The following LINGO1 variants were observed in gnomAD, a reference collection of about 807,000 sequenced individuals.
The protein encoded by LINGO1 is leucine-rich repeat and immunoglobulin-like domain-containing nogo receptor-interacting protein 1.
In LINGO1, 11 loss-of-function variants were observed where a neutral mutation model predicts 37.3. That is an observed-to-expected ratio of 0.29 (90% CI 0.19 to 0.49). The LOEUF (loss-of-function observed/expected upper bound fraction) is 0.49, where lower values mean the gene tolerates loss of function less well. LINGO1 is among the 20% of genes least tolerant of loss of function. The probability of loss-of-function intolerance (pLI) is 0.99; values close to 1 mark genes in which losing one functional copy is unlikely to be tolerated. For missense variants in LINGO1, 585 were observed against 878.2 expected (o/e 0.67, Z 4.22); for synonymous variants, 387 against 403.0 (o/e 0.96, Z 0.48).
At chr15:77,708,886 C>A (rs575265369) in intron 2 of LINGO1, among the ~76,000 whole-genome samples, 1 of 152,160 alleles carries the variant, frequency 6.6e-6, no homozygotes, top group African/African-American at 2.4e-5. Context: ...TGCACTCCAC[C>A]CTGGGTGACA....
At chr15:77,728,370 C>T (rs534618373) in intron 2 of LINGO1, among the ~76,000 whole-genome samples, 20 of 152,382 alleles carry the variant, frequency 1.3e-4, no homozygotes, top group African/African-American at 3.8e-4. Context: ...CACCCTGTTC[C>T]GGCCAGGCCA....
upstream of LINGO1, chr15:77,634,374 T>C (rs1484471695): frequency 8.8e-6 from 4 of 455,722 alleles, no homozygotes; most frequent in Non-Finnish European, 1.3e-5. Flanking sequence ...CTGTCTCCTA[T>C]GTCTATGCCC....
upstream of LINGO1, among the ~76,000 whole-genome samples, chr15:77,634,091 C>T (rs564579626): frequency 6.6e-6 from 1 of 152,302 alleles, no homozygotes; most frequent in South Asian, 2.1e-4. Flanking sequence ...GGATCTAGCC[C>T]AAAGCCTCTC....
chr15:77,732,690 C>T (rs918791309), intron 2 of LINGO1, among the ~76,000 whole-genome samples: 2 of 152,248 alleles, frequency 1.3e-5, no homozygotes. Flanking sequence ...CCACAGCCCA[C>T]GCCAGCCCTG....
intron 1 of LINGO1, among the ~76,000 whole-genome samples, chr15:77,785,474 C>T (rs1179337720): frequency 6.6e-6 from 1 of 152,138 alleles, no homozygotes; most frequent in Non-Finnish European, 1.5e-5. Flanking sequence ...CCCTGCAACC[C>T]CCAGGTAAGG....
chr15:77,753,541 G>C (rs35939880), intron 1 of LINGO1, among the ~76,000 whole-genome samples: 20,998 of 152,186 alleles, frequency 0.14, 1,842 homozygotes, highest in African/African-American at 0.25. Flanking sequence ...CTGGGGGTAG[G>C]GGGAGGGAAG....
chr15:77,678,113 A>G (rs1837392517), intron 2 of LINGO1, among the ~76,000 whole-genome samples: 1 of 152,258 alleles, frequency 6.6e-6, no homozygotes, highest in Non-Finnish European at 1.5e-5. Flanking sequence ...CTGCCCTGAC[A>G]GACTGACTTG....
At chr15:77,693,234 G>A (rs1165603132) in intron 1 of LINGO1, among the ~76,000 whole-genome samples, 1 of 152,150 alleles carries the variant, frequency 6.6e-6, no homozygotes, top group Non-Finnish European at 1.5e-5. Flanking sequence ...ATATTATAGG[G>A]GCTAGGATTC....
chr15:77,772,422 C>T (rs892557005), intron 1 of LINGO1, among the ~76,000 whole-genome samples: 3 of 152,124 alleles, frequency 2.0e-5, no homozygotes, highest in Admixed American at 6.5e-5. Context: ...CCAGCATCCC[C>T]GAGTGTACAG....
intron 1 of LINGO1, among the ~76,000 whole-genome samples, chr15:77,811,727 T>C (rs73457704): frequency 0.048 from 7,372 of 152,288 alleles, 565 homozygotes; most frequent in African/African-American, 0.16. Flanking sequence ...CCACTTAAGA[T>C]TAGGCAGAAA....
intron 3 of LINGO1, among the ~76,000 whole-genome samples, chr15:77,660,650 C>G (rs144729993): frequency 8.5e-5 from 13 of 152,352 alleles, no homozygotes; most frequent in African/African-American, 3.1e-4. Context: ...ATTAGAAATT[C>G]ATTCGGGCTA....
At chr15:77,785,079 A>G (rs1176266250) in intron 1 of LINGO1, 1 of 152,232 alleles carries the variant, frequency 6.6e-6, no homozygotes, top group East Asian at 1.9e-4. Context: ...TGCCTCTCCC[A>G]GTTTCCAGCT....
chr15:77,813,323 G>C (rs2077021132), intron 1 of LINGO1, among the ~76,000 whole-genome samples: 1 of 152,176 alleles, frequency 6.6e-6, no homozygotes, highest in South Asian at 2.1e-4. Flanking sequence ...CAGGTGGAAG[G>C]ACCATGGAGG....
At chr15:77,751,149 C>T (rs28722059) in intron 1 of LINGO1, among the ~76,000 whole-genome samples, 3,300 of 152,240 alleles carry the variant, frequency 0.022, 123 homozygotes, top group African/African-American at 0.076. Context: ...CAGGTGTGAG[C>T]ACAGGTGTGA....
rs567786100 is a variant in LINGO1, at chr15:77,745,742, G to A, written c.-256-10689C>T. 3.3e-5 allele frequency among the ~76,000 whole-genome samples: 5 copies of A among 152,284 alleles called. No homozygotes were observed. The East Asian group carries it at 9.6e-4, about 29-fold the overall frequency. ...CAAGACCAGCCATCTTTATTTCATA[G>A]AAGGGGAAACCAAGGCTCAAAAGAT... is the stretch of plus-strand genomic sequence containing the variant. On this transcript the variant is annotated intron_variant, in intron 1 of 3. Transcript: ENST00000561686.
At chr15:77,766,595 C>T (rs1203117707) in intron 1 of LINGO1, among the ~76,000 whole-genome samples, 4 of 152,138 alleles carry the variant, frequency 2.6e-5, no homozygotes, top group Non-Finnish European at 5.9e-5. Flanking sequence ...CCTTCATTCT[C>T]GTGAAGTGAG....
At chr15:77,810,375 G>A (rs72730747) in intron 1 of LINGO1, among the ~76,000 whole-genome samples, 16,250 of 152,042 alleles carry the variant, frequency 0.11, 1,016 homozygotes, top group African/African-American at 0.17. Flanking sequence ...GGAATCTAGG[G>A]AGGAGAGGGA....
At chr15:77,769,993 C>G (rs757200365) in intron 1 of LINGO1, among the ~76,000 whole-genome samples, 2 of 152,122 alleles carry the variant, frequency 1.3e-5, no homozygotes, top group African/African-American at 2.4e-5. Flanking sequence ...GACCTGGGGC[C>G]AAATATGCTG....
At chr15:77,680,254 C>T (rs78321033) in intron 2 of LINGO1, among the ~76,000 whole-genome samples, 7,589 of 152,216 alleles carry the variant, frequency 0.05, 233 homozygotes, top group East Asian at 0.13. Context: ...CATCCCACAC[C>T]GGGCATGGAA....
Sources: allele counts gnomAD v4.1 joint callset (sites outside exome capture counted in the v4.1 genomes callset), GRCh38; gene constraint gnomAD v4.1.1; transcripts MANE v1.5; gene names NCBI Gene and HGNC (gene_info 2026-07-23, HGNC 2026-07-21).